The following ZMYND11 variants were observed in gnomAD, a reference collection of about 807,000 sequenced individuals.
ZMYND11 encodes the protein zinc finger MYND domain-containing protein 11.
Under a neutral mutation model 84.9 loss-of-function variants are expected in ZMYND11, and 9 were observed. The ratio of observed to expected loss-of-function variants is 0.11; its 90% CI spans 0.06 to 0.18. ZMYND11 has a LOEUF of 0.18. ZMYND11 is among the 10% of genes least tolerant of loss of function. ZMYND11 has a pLI of 1.00. For synonymous variants in ZMYND11, 250 were observed against 244.1 expected (o/e 1.02, Z -0.23); for missense variants, 409 against 761.0 (o/e 0.54, Z 5.44).
intron 4 of ZMYND11, among the ~76,000 whole-genome samples, chr10:223,457 G>A (rs536543198): frequency 6.6e-6 from 1 of 151,860 alleles, no homozygotes; most frequent in Non-Finnish European, 1.5e-5. Context: ...CTTTCTTTTT[G>A]CCTTTGTCAA....
chr10:132,545 T>C (rs1835336666), upstream of ZMYND11, among the ~76,000 whole-genome samples: 1 of 152,188 alleles, frequency 6.6e-6, no homozygotes, highest in Non-Finnish European at 1.5e-5. Context: ...CATGGGCCAA[T>C]GAAGGTGCTG....
intron 2 of ZMYND11, 119 bp downstream of exon 2, chr10:180,247 T>C: frequency 1.5e-6 from 1 of 647,070 alleles, no homozygotes; most frequent in East Asian, 2.9e-5. Flanking sequence ...CTGAAGACAC[T>C]TTTTGCTTTG....
rs550253131 is a variant in ZMYND11, at chr10:189,204, T to C, written c.116+9076T>C. On this transcript the variant is annotated intron_variant, in intron 2 of 14. Coordinates refer to ENST00000381604, the MANE Select transcript of ZMYND11 (RefSeq NM_001370100.5). ...GGAGTTCTTCCTGTCGCTACAGATA[T>C]ACATAAACGCAAACTGTAAGTCCTC... Among the ~76,000 whole-genome samples, 32 of 152,338 alleles carry C rather than the reference T, an allele frequency of 2.1e-4. No homozygotes were observed. The South Asian group carries it at 6.4e-3, about 31-fold the overall frequency.
chr10:144,571 C>T (rs1389576700), intron 1 of ZMYND11, among the ~76,000 whole-genome samples: 1 of 149,710 alleles, frequency 6.7e-6, no homozygotes, highest in African/African-American at 2.5e-5. Flanking sequence ...TGTTACACAA[C>T]TCACATTAGG....
chr10:232,149 G>A (rs1564425660), intron 4 of ZMYND11, among the ~76,000 whole-genome samples: 1 of 152,216 alleles, frequency 6.6e-6, no homozygotes, highest in African/African-American at 2.4e-5. Flanking sequence ...TATCTGCTTA[G>A]TTTACTTCAG....
chr10:243,158 T>C (rs1440622402), intron 10 of ZMYND11, among the ~76,000 whole-genome samples: 1 of 152,198 alleles, frequency 6.6e-6, no homozygotes, highest in Admixed American at 6.5e-5. Flanking sequence ...CTTGATACAT[T>C]AGTCAGTTTC....
At chr10:204,854 G>A (rs1244227509) in intron 2 of ZMYND11, among the ~76,000 whole-genome samples, 1 of 151,406 alleles carries the variant, frequency 6.6e-6, no homozygotes, top group African/African-American at 2.4e-5. Context: ...ATATTATTTT[G>A]ACATTGAATA....
chr10:178,771 A>G (rs575739676), intron 1 of ZMYND11, among the ~76,000 whole-genome samples: 1 of 152,272 alleles, frequency 6.6e-6, no homozygotes, highest in Admixed American at 6.5e-5. Context: ...ATGTATTCTG[A>G]TGGTGGTGTA....
At chr10:143,326 T>C (rs1837923143) in intron 1 of ZMYND11, among the ~76,000 whole-genome samples, 1 of 152,244 alleles carries the variant, frequency 6.6e-6, no homozygotes, top group Non-Finnish European at 1.5e-5. Context: ...CTCGCAACTT[T>C]TGAAAGCTAT....
chr10:175,943 TC>T (rs1846512349), intron 1 of ZMYND11, among the ~76,000 whole-genome samples: 1 of 152,222 alleles, frequency 6.6e-6, no homozygotes, highest in Non-Finnish European at 1.5e-5. Context: ...TTTTGAATTT[TC>T]ACACTGTGCT....
chr10:252,684 A>T lies in ZMYND11; in HGVS notation c.*214A>T. On this transcript the variant is annotated 3_prime_UTR_variant, in exon 15 of 15. Transcript: ENST00000381604. This position sits in a 1 kb window ranked among gnomAD's most constrained non-coding sequence, Gnocchi z 4.6. ...AAAAGTAACATCAGTGGAGGGTATTATTTTAAATAAATTTTAATTGAGAAT... is the reference window on the plus strand; with the variant it reads ...AAAAGTAACATCAGTGGAGGGTATTTTTTTAAATAAATTTTAATTGAGAAT... The T allele has an allele frequency of 2.5e-6, 1 of 406,242 alleles. No homozygotes were observed. Among genetic ancestry groups the T allele is most frequent in the Non-Finnish European group, 4.2e-6 (1 of 236,814 alleles). The allele number at this position is 406,242 out of a possible 1,614,324, so 25.2% of individuals were successfully genotyped here. A position where few individuals can be genotyped will look rare whatever the true frequency, so the allele number is the denominator to read the frequency against.
At chr10:130,107 GGA>G (rs1835283590), upstream of ZMYND11, among the ~76,000 whole-genome samples, 1 of 152,174 alleles carries the variant, frequency 6.6e-6, no homozygotes, top group Non-Finnish European at 1.5e-5. Flanking sequence ...CAGAGTCTGG[GGA>G]AGTGGCTGCT....
chr10:220,055 T>G (rs1484444850), intron 3 of ZMYND11, among the ~76,000 whole-genome samples: 1 of 152,184 alleles, frequency 6.6e-6, no homozygotes, highest in Non-Finnish European at 1.5e-5. Flanking sequence ...GTAACATGTT[T>G]GAACCTAGTT....
chr10:220,809 G>C (rs1947030541), intron 3 of ZMYND11, among the ~76,000 whole-genome samples: 1 of 151,984 alleles, frequency 6.6e-6, no homozygotes, highest in Non-Finnish European at 1.5e-5. Context: ...ATGTAAAGCA[G>C]AACAAAACAA....
At chr10:156,611 G>A (rs1564283734) in intron 1 of ZMYND11, among the ~76,000 whole-genome samples, 1 of 152,062 alleles carries the variant, frequency 6.6e-6, no homozygotes, top group Non-Finnish European at 1.5e-5. Flanking sequence ...ATATACTTTA[G>A]CTTAAAGGCC....
chr10:250,879 C>T (rs1298735129), intron 14 of ZMYND11, among the ~76,000 whole-genome samples: 7 of 152,148 alleles, frequency 4.6e-5, no homozygotes, highest in South Asian at 4.2e-4. Flanking sequence ...AAAAATTAGC[C>T]GGGCGTGGTG....
upstream of ZMYND11, among the ~76,000 whole-genome samples, chr10:133,430 A>T (rs1835375221): frequency 6.6e-6 from 1 of 152,252 alleles, no homozygotes; most frequent in African/African-American, 2.4e-5. Context: ...CAAAACCAAC[A>T]GGAAAATCAG....
At chr10:249,687 T>G in intron 14 of ZMYND11, 1 of 985,414 alleles carries the variant, frequency 1.0e-6, no homozygotes, top group African/African-American at 1.7e-5. Context: ...GTGCTCGTCC[T>G]ACAGCCGCCA....
At chr10:239,671 G>A (rs1055258524) in intron 7 of ZMYND11, 146 bp downstream of exon 7, 26 of 679,250 alleles carry the variant, frequency 3.8e-5, no homozygotes, top group Admixed American at 6.0e-5. Context: ...GGAATATCTG[G>A]TGATATAGAT....
Sources: gnomAD v4.1 joint callset for allele counts (sites outside exome capture counted in the v4.1 genomes callset) on GRCh38, gnomAD v4.1.1 for gene constraint, Gnocchi (gnomAD v3.1) non-coding constraint, MANE v1.5 for transcripts, NCBI Gene and HGNC (gene_info 2026-07-23, HGNC 2026-07-21) for gene names.